Variants in RYR1 observed in about 807,000 individuals in gnomAD.
RYR1 encodes central core disease of muscle.
In RYR1, 342 loss-of-function variants were observed where a neutral mutation model predicts 583.5. That is an observed-to-expected ratio of 0.59 (90% CI 0.54 to 0.64). The LOEUF is 0.64. Among genes scored for constraint, RYR1 ranks in the 30% least tolerant of loss-of-function variants. The pLI is 0.00. For synonymous variants in RYR1, 2,791 were observed against 2,822.5 expected (o/e 0.99, Z 0.35); for missense variants, 6,032 against 6,917.2 (o/e 0.87, Z 4.54).
chr19:38,491,545 C>T (rs1038366600), intron 37 of RYR1, among the ~76,000 whole-genome samples: 14 of 151,864 alleles, frequency 9.2e-5, no homozygotes, highest in African/African-American at 3.1e-4. Context: ...CCTCCTACCT[C>T]AGCCTCCAAA....
chr19:38,520,846 G>T (rs1034435651), intron 67 of RYR1, among the ~76,000 whole-genome samples: 1 of 152,076 alleles, frequency 6.6e-6, no homozygotes, highest in African/African-American at 2.4e-5. Flanking sequence ...AGACTCCACG[G>T]CAGTGGGAGT....
rs371990084 is a variant in RYR1 at position 38,566,916 on chromosome 19, T to C, written c.13443T>C (p.Asp4481=). The C allele has an allele frequency of 3.1e-6, 5 of 1,604,726 alleles. No homozygotes were observed. In the African/African-American group the frequency reaches 6.7e-5, roughly 21 times the overall value. Residue 4481 remains aspartate, a synonymous_variant, in exon 92 of 106, where the codon GAT becomes GAC. Transcript: ENST00000359596. ...SPILKRKLGV[D]GVEEELPPEP... ...GATGCTTGCCCTGTCCCTAGGTGGATGGAGTGGAGGAGGAGCTCCCGCCAG... is the reference window on the plus strand; with the variant it reads ...GATGCTTGCCCTGTCCCTAGGTGGACGGAGTGGAGGAGGAGCTCCCGCCAG...
chr19:38,433,774 G>T lies in RYR1; in HGVS notation c.-56G>T. The T allele has an allele frequency of 3.5e-5, 8 of 230,948 alleles. No homozygotes were observed. The highest frequency in any genetic ancestry group is 6.4e-5 in the Non-Finnish European group (8 of 125,816). 14.3% of individuals were successfully genotyped at this position (230,948 alleles called of 1,614,324 possible). ...CGCCCCCAGCCCTCCCGCCCAGCCC[G>T]CAGCCCCCTCCCTCTGTTCCCCGAC... On this transcript the variant is annotated 5_prime_UTR_variant, in exon 1 of 106. Coordinates refer to ENST00000359596, the MANE Select transcript of RYR1 (RefSeq NM_000540.3).
chr19:38,524,324 T>C (rs1330811596), intron 70 of RYR1, among the ~76,000 whole-genome samples: 3 of 135,338 alleles, frequency 2.2e-5, no homozygotes, highest in East Asian at 2.2e-4. Context: ...CCGTGGATGG[T>C]TTAAAGCTTG....
chr19:38,567,892 T>C lies in RYR1; in HGVS notation c.13634T>C (p.Leu4545Pro). Residue 4545 changes from leucine to proline, a missense_variant, in exon 93 of 106, where the codon CTG becomes CCG. Around this residue, in one of 11 missense-constraint regions of RYR1, gnomAD observed 753 missense variants for 759.6 expected, o/e 0.99. Transcript: ENST00000359596. The stretch of plus-strand genomic sequence containing the variant: ...GCTGGAGGCGAATTCTGGGGAGAAC[T>C]GGAGGTGCAGAGGGTGAAGTTCCTG... ...EEAGGEFWGE[L>P]EVQRVKFLNY... 6.2e-7 allele frequency: 1 copy of C among 1,613,766 alleles called. No individual in the cohort carries two copies.
In RYR1 at chr19:38,444,511, T is replaced by C; in HGVS notation, c.538-73T>C. 2.3e-6 allele frequency: 3 copies of C among 1,322,766 alleles called. No individual in the cohort carries two copies. In the South Asian group the frequency reaches 3.7e-5, roughly 16 times the overall value. 81.9% of individuals were successfully genotyped at this position (1,322,766 alleles called of 1,614,324 possible). A position where few individuals can be genotyped will look rare whatever the true frequency, so the allele number is the denominator to read the frequency against. The stretch of plus-strand genomic sequence containing the variant: ...GGTTTCCGGGTATCCACCCTTGATT[T>C]CTGGCCTCTGACGCTGGGACTCTCG... On this transcript the variant is annotated intron_variant, in intron 6 of 105. Coordinates refer to ENST00000359596, the MANE Select transcript of RYR1 (RefSeq NM_000540.3). This position sits in a 1 kb window ranked among gnomAD's most constrained non-coding sequence, Gnocchi z 5.1.
At chr19:38,434,932 G>A (rs949598707) in intron 1 of RYR1, among the ~76,000 whole-genome samples, 2 of 152,186 alleles carry the variant, frequency 1.3e-5, no homozygotes, top group African/African-American at 4.8e-5. Flanking sequence ...CTGGGAGAGA[G>A]GAACAAACAG....
chr19:38,498,987 G>A lies in RYR1; in HGVS notation c.6892-121G>A, dbSNP rs1019478718. 81 of 1,333,508 alleles carry A rather than the reference G, an allele frequency of 6.1e-5. No homozygotes were observed. In the Admixed American group the frequency reaches 1.3e-3, roughly 22 times the overall value. The allele number at this position is 1,333,508 out of a possible 1,614,324, so 82.6% of individuals were successfully genotyped here. A position where few individuals can be genotyped will look rare whatever the true frequency, so the allele number is the denominator to read the frequency against. ...CTGACAGGACCAGGGCTAATGGGCC[G>A]AGGGATCAGAGCTGAACCGGACTGA... On this transcript the variant is annotated intron_variant, in intron 42 of 105. Coordinates refer to ENST00000359596, the MANE Select transcript of RYR1 (RefSeq NM_000540.3).
chr19:38,510,698 C>T lies in RYR1; in HGVS notation c.9039C>T (p.His3013=), dbSNP rs1970688498. The part of the protein sequence containing the change: ...LPLINQYFTN[H]CLYFLSTPAK... ...TGATCAACCAGTACTTCACCAACCA[C>T]TGCCTCTATTTCTTGTCCACTCCGG... The change falls in exon 60 of 106, where the codon CAC becomes CAT. Residue 3013 remains histidine, a synonymous_variant. Transcript: ENST00000359596. The T allele has an allele frequency of 1.9e-6, 3 of 1,614,090 alleles. No individual in the cohort carries two copies. The highest frequency in any genetic ancestry group is 2.7e-5 in the African/African-American group (2 of 74,922).
intron 81 of RYR1, chr19:38,535,634 G>A (rs934046307): frequency 1.7e-6 from 1 of 606,056 alleles, no homozygotes; most frequent in African/African-American, 1.8e-5. Context: ...AAAAACTTGA[G>A]AATTTAAGGG....
At chr19:38,518,388 C>T (rs1454651667) in intron 66 of RYR1, among the ~76,000 whole-genome samples, 2 of 135,116 alleles carry the variant, frequency 1.5e-5, no homozygotes, top group Non-Finnish European at 3.1e-5. Context: ...GGTGAAACCT[C>T]GTCTCTATTA....
intron 12 of RYR1, among the ~76,000 whole-genome samples, chr19:38,452,155 G>T (rs578189302): frequency 3.2e-5 from 4 of 123,856 alleles, no homozygotes; most frequent in Non-Finnish European, 6.7e-5. Context: ...AAAAAAATTA[G>T]GCTGGGCACA....
chr19:38,561,020 G>C lies in RYR1; in HGVS notation c.12283-93G>C, dbSNP rs1202662064. ...TGCGCCACTGCACTCCAGCCTGGGC[G>C]ACACAGCGAGACCTTGTCTTAAAAA... On this transcript the variant is annotated intron_variant, in intron 89 of 105. Transcript: ENST00000359596. The surrounding 1 kb of genome is among the most constrained non-coding windows in gnomAD (Gnocchi z 4.8). 8.3e-7 allele frequency: 1 copy of C among 1,201,420 alleles called. No homozygotes were observed. The highest frequency in any genetic ancestry group is 1.2e-6 in the Non-Finnish European group (1 of 844,062). The allele number at this position is 1,201,420 out of a possible 1,614,324, so 74.4% of individuals were successfully genotyped here.
At position 38,582,469 on chromosome 19, in the gene RYR1, C is replaced by G. The variant is rs191741281; in HGVS notation, c.14646+1965C>G. On this transcript the variant is annotated intron_variant, in intron 101 of 105. Transcript: ENST00000359596. ...CTCAGGATTATATAGATGTTAGCTT[C>G]TATCATCATTATCCACAATTAAAAG... Among the ~76,000 whole-genome samples the G allele has an allele frequency of 1.2e-4, 18 of 151,848 alleles. No individual in the cohort carries two copies. In the East Asian group the frequency reaches 3.3e-3, roughly 28 times the overall value.
At position 38,466,736 on chromosome 19, in the gene RYR1, C is replaced by T. The variant is rs561808350; in HGVS notation, c.3178+338C>T. On this transcript the variant is annotated intron_variant, in intron 24 of 105. Coordinates refer to ENST00000359596, the MANE Select transcript of RYR1 (RefSeq NM_000540.3). ...CAGGATGGTCTCGATCTCCTGACCT[C>T]GTGATCCGCCTGCCTCGGACTCCCA... 7.7e-4 allele frequency among the ~76,000 whole-genome samples: 117 copies of T among 152,122 alleles called. 1 individual carries two copies. The highest frequency in any genetic ancestry group is 2.6e-3 in the African/African-American group (110 of 41,530).
Position 38,478,608 on chromosome 19 carries a change from C to T in RYR1, c.4620+8C>T, listed in dbSNP as rs918702426. On this transcript the variant is annotated splice_region_variant and intron_variant, in intron 31 of 105. Coordinates refer to ENST00000359596, the MANE Select transcript of RYR1 (RefSeq NM_000540.3). ...AGCAACACCTTTTTCCAGGTGAGTC[C>T]AGGCCACAGCAATTTAGCGAGAGCA... is the stretch of plus-strand genomic sequence containing the variant. 3 of 1,608,794 alleles carry T rather than the reference C, an allele frequency of 1.9e-6. No individual in the cohort carries two copies. The highest frequency in any genetic ancestry group is 2.2e-5 in the South Asian group (2 of 91,060).
At chr19:38,537,352 T>G (rs967213273) in intron 83 of RYR1, among the ~76,000 whole-genome samples, 2 of 152,112 alleles carry the variant, frequency 1.3e-5, no homozygotes, top group African/African-American at 4.8e-5. Flanking sequence ...TGGCCCTTGT[T>G]TACACGCCTC....
chr19:38,439,722 G>A (rs941466033), intron 1 of RYR1, among the ~76,000 whole-genome samples: 4 of 151,978 alleles, frequency 2.6e-5, no homozygotes, highest in Non-Finnish European at 5.9e-5. Context: ...TGGCCAGGCT[G>A]GTCTCGAACT....
intron 92 of RYR1, 111 bp downstream of exon 92, chr19:38,567,098 C>T: frequency 6.6e-7 from 1 of 1,520,270 alleles, no homozygotes; most frequent in Non-Finnish European, 8.9e-7. Flanking sequence ...GTGTCCTCGG[C>T]ATCACCCAGC....
Sources: allele counts gnomAD v4.1 joint callset (sites outside exome capture counted in the v4.1 genomes callset), GRCh38; gene constraint gnomAD v4.1.1; regional missense constraint gnomAD v4.1.1; non-coding constraint Gnocchi (gnomAD v3.1); transcripts MANE v1.5; gene names NCBI Gene and HGNC (gene_info 2026-07-23, HGNC 2026-07-21).